The following RNF43 variants were observed in gnomAD, a reference collection of about 807,000 sequenced individuals.
The protein encoded by RNF43 is ring finger protein 43, also known as E3 ubiquitin-protein ligase RNF43.
A neutral mutation model predicts 78.4 loss-of-function variants in RNF43; 37 were observed. The observed-to-expected ratio is 0.47, with a 90% confidence interval of 0.36 to 0.62. The LOEUF (loss-of-function observed/expected upper bound fraction) is 0.62. Among genes scored for constraint, RNF43 ranks in the 20% least tolerant of loss-of-function variants. The pLI is 0.00. For missense variants in RNF43, 774 were observed against 1,007.9 expected, an observed-to-expected ratio of 0.77 and a Z score of 3.14; for synonymous variants, 347 against 395.0, an observed-to-expected ratio of 0.88 and a Z score of 1.44.
In RNF43 at chr17:58,415,718, CT is replaced by C; in HGVS notation, c.-142del. On this transcript the variant is annotated 5_prime_UTR_variant, in exon 2 of 10. Coordinates refer to ENST00000407977, the MANE Select transcript of RNF43 (RefSeq NM_017763.6). ...AGAAAGCCAAGTCGTAGTTTTGGCC[CT>C]TCCTTTCTCTAAAGTTTATTCCCAA... 1 of 933,268 alleles carries C rather than the reference CT, an allele frequency of 1.1e-6. No individual in the cohort carries two copies. Among genetic ancestry groups the C allele is most frequent in the South Asian group, 1.7e-5 (1 of 58,616 alleles). 57.8% of individuals were successfully genotyped at this position (933,268 alleles called of 1,614,324 possible).
At chr17:58,362,466 G>C (rs967418299) in intron 6 of RNF43, 78 bp downstream of exon 6, 10 of 1,017,792 alleles carry the variant, frequency 9.8e-6, no homozygotes, top group Non-Finnish European at 1.4e-5. Flanking sequence ...CCTTCTTCAC[G>C]TACTCCTTCC....
At chr17:58,400,281 C>A (rs1973769789) in intron 2 of RNF43, among the ~76,000 whole-genome samples, 1 of 152,178 alleles carries the variant, frequency 6.6e-6, no homozygotes, top group African/African-American at 2.4e-5. Flanking sequence ...ACCCTTAACC[C>A]ACAAAATTTT....
chr17:58,366,302 C>A (rs762570021), intron 3 of RNF43, among the ~76,000 whole-genome samples: 4 of 152,158 alleles, frequency 2.6e-5, no homozygotes, highest in African/African-American at 2.4e-5. Flanking sequence ...AAAAGTGAGG[C>A]TGCTTACTTT....
At chr17:58,371,165 T>C in intron 2 of RNF43, 132 bp from the exon 3 acceptor site, 1 of 858,190 alleles carries the variant, frequency 1.2e-6, no homozygotes, top group Non-Finnish European at 1.7e-6. Context: ...GTAGGCCTTA[T>C]GATTGGATTG....
At chr17:58,413,989 T>C (rs1382231653) in intron 2 of RNF43, among the ~76,000 whole-genome samples, 3 of 152,198 alleles carry the variant, frequency 2.0e-5, no homozygotes, top group East Asian at 1.9e-4. Context: ...CCAATTGCCA[T>C]AGTATTCAAG....
rs755684321 is a variant in RNF43 at position 58,358,747 on chromosome 17, G to A, written c.1029C>T (p.Arg343=). The change falls in exon 9 of 10, where the codon CGC becomes CGT. Residue 343 remains arginine, a synonymous_variant. Transcript: ENST00000407977. This position sits in a 1 kb window ranked among gnomAD's most constrained non-coding sequence, Gnocchi z 6.2. ...QEPGRRLHLI[R]QHPGHAHYHL... ...GGTAGTGGGCATGGCCGGGATGCTG[G>A]CGAATGAGGTGGAGTCTTCGACCTG... The A allele has an allele frequency of 3.2e-6, 5 of 1,561,590 alleles. No individual in the cohort carries two copies. The Admixed American group carries it at 5.6e-5, about 17-fold the overall frequency.
intron 2 of RNF43, among the ~76,000 whole-genome samples, chr17:58,408,300 T>A (rs955577687): frequency 6.6e-6 from 1 of 152,220 alleles, no homozygotes; most frequent in Admixed American, 6.5e-5. Flanking sequence ...TAAGTATTTG[T>A]GTGTATTTTG....
At chr17:58,365,749 T>C (rs1365900026) in intron 3 of RNF43, among the ~76,000 whole-genome samples, 1 of 152,114 alleles carries the variant, frequency 6.6e-6, no homozygotes, top group Non-Finnish European at 1.5e-5. Flanking sequence ...AAAGTACTTA[T>C]TTGGGTACTG....
chr17:58,366,177 T>C lies in RNF43; in HGVS notation c.376-2577A>G, dbSNP rs575122283. Among the ~76,000 whole-genome samples the C allele has an allele frequency of 3.3e-5, 5 of 152,284 alleles. No homozygotes were observed. In the East Asian group the frequency reaches 7.7e-4, roughly 23 times the overall value. On this transcript the variant is annotated intron_variant, in intron 3 of 9. Transcript: ENST00000407977. ...GATAATATTCTAAAGCACAAAGGAA[T>C]AGAAACGGAAGCTTCCAGACCTTTT...
At chr17:58,359,162 C>G (rs1972774501) in intron 8 of RNF43, among the ~76,000 whole-genome samples, 1 of 152,162 alleles carries the variant, frequency 6.6e-6, no homozygotes, top group South Asian at 2.1e-4. Flanking sequence ...TCACTTTCAT[C>G]TTTTAGAAAA....
chr17:58,369,077 A>G (rs1598139226), intron 3 of RNF43, among the ~76,000 whole-genome samples: 1 of 152,014 alleles, frequency 6.6e-6, no homozygotes, highest in Non-Finnish European at 1.5e-5. Context: ...ATACACACAC[A>G]CACACACACA....
rs780012645 is a variant in RNF43, at chr17:58,371,045, G to A, written c.253-12C>T. 10 of 1,563,254 alleles carry A rather than the reference G, an allele frequency of 6.4e-6. No homozygotes were observed. On this transcript the variant is annotated splice_polypyrimidine_tract_variant and intron_variant, in intron 2 of 9. Transcript: ENST00000407977. ...TACAGCGGGTGGGACTGCAGAGAGA[G>A]ACAGACTTGGGTTAGGGAGGCTTTA...
chr17:58,353,621 C>T (rs1011309687), downstream of RNF43: 2 of 208,324 alleles, frequency 9.6e-6, no homozygotes, highest in Non-Finnish European at 2.0e-5. Context: ...AAAGAGATGA[C>T]GTTGTTACCC....
At chr17:58,369,801 A>C (rs190218711) in intron 3 of RNF43, among the ~76,000 whole-genome samples, 8 of 152,342 alleles carry the variant, frequency 5.3e-5, no homozygotes, top group African/African-American at 1.9e-4. Context: ...AAAGTGAATG[A>C]GATCATACAT....
intron 2 of RNF43, among the ~76,000 whole-genome samples, chr17:58,406,840 A>G (rs562954126): frequency 6.6e-6 from 1 of 151,982 alleles, no homozygotes; most frequent in African/African-American, 2.4e-5. Context: ...GTAAAATACC[A>G]ACAGTGTTTC....
intron 2 of RNF43, among the ~76,000 whole-genome samples, chr17:58,380,561 A>G (rs534188947): frequency 3.3e-5 from 5 of 152,354 alleles, no homozygotes; most frequent in East Asian, 1.9e-4. Context: ...CTAGAATCAG[A>G]TAAGTGTTTA....
At chr17:58,412,425 G>T (rs1316545873) in intron 2 of RNF43, among the ~76,000 whole-genome samples, 2 of 152,032 alleles carry the variant, frequency 1.3e-5, no homozygotes, top group Non-Finnish European at 2.9e-5. Context: ...GCTTTTAGAA[G>T]AATATTACAA....
rs1189914349 is a variant in RNF43, at chr17:58,357,296, CTG to C, written c.2308+170_2308+171del. The C allele has an allele frequency of 3.5e-6, 3 of 862,338 alleles. No homozygotes were observed. 53.4% of individuals were successfully genotyped at this position (862,338 alleles called of 1,614,324 possible). ...AGCACCTGGCAGAGGTGGGGTGTTC[CTG>C]CACTCTAGCCAGCATGATACGCTGT... On this transcript the variant is annotated intron_variant, in intron 9 of 9. Coordinates refer to ENST00000407977, the MANE Select transcript of RNF43 (RefSeq NM_017763.6). This position sits in a 1 kb window ranked among gnomAD's most constrained non-coding sequence, Gnocchi z 4.5.
chr17:58,383,989 C>T (rs1176076743), intron 2 of RNF43, among the ~76,000 whole-genome samples: 20 of 152,280 alleles, frequency 1.3e-4, no homozygotes, highest in East Asian at 7.7e-4. Context: ...TTCAGCTTCC[C>T]GGCAGCTTGA....
Sources: allele counts gnomAD v4.1 joint callset (sites outside exome capture counted in the v4.1 genomes callset), GRCh38; gene constraint gnomAD v4.1.1; non-coding constraint Gnocchi (gnomAD v3.1); transcripts MANE v1.5; gene names NCBI Gene and HGNC (gene_info 2026-07-23, HGNC 2026-07-21).